SV2C: variants seen among roughly 807,000 people sequenced by gnomAD.
SV2C encodes synaptic vesicle glycoprotein 2C.
Under a neutral mutation model 79.7 loss-of-function variants are expected in SV2C, and 49 were observed. That is an observed-to-expected ratio of 0.61 (90% confidence interval 0.49 to 0.78). SV2C has a LOEUF of 0.78. Among genes scored for constraint, SV2C ranks in the 30% least tolerant of loss-of-function variants. The pLI, the probability that SV2C is intolerant of heterozygous loss-of-function variation, is 0.00. For synonymous variants in SV2C, 334 were observed against 333.2 expected, an observed-to-expected ratio of 1.00 and a Z score of -0.03; for missense variants, 833 against 912.9, an observed-to-expected ratio of 0.91 and a Z score of 1.13.
chr5:76,086,882 T>C (rs998607568), intron 1 of SV2C, among the ~76,000 whole-genome samples: 3 of 152,216 alleles, frequency 2.0e-5, no homozygotes, highest in Admixed American at 2.0e-4. Flanking sequence ...CCCCTCCTAA[T>C]TAGGGACAGC....
At chr5:76,050,553 A>G in the SV2C span, among the ~76,000 whole-genome samples, 1 of 152,084 alleles carries the variant, frequency 6.6e-6, no homozygotes, top group African/African-American at 2.4e-5. Flanking sequence ...GTTCCTTAGT[A>G]ATTCATCTAA....
chr5:76,024,402 T>G, the SV2C span, among the ~76,000 whole-genome samples: 1 of 152,240 alleles, frequency 6.6e-6, no homozygotes, highest in African/African-American at 2.4e-5. Flanking sequence ...CCTGACCGTT[T>G]GTGAACATGT....
At chr5:75,883,692 TGGGGGGA>T in the SV2C span, among the ~76,000 whole-genome samples, 2 of 54,784 alleles carry the variant, frequency 3.7e-5, no homozygotes, top group Non-Finnish European at 6.7e-5. Flanking sequence ...TGTTGTGGGG[TGGGGGGA>T]GGGGGGAGGG....
At chr5:76,175,628 G>C (rs754296438) in intron 2 of SV2C, among the ~76,000 whole-genome samples, 1 of 152,192 alleles carries the variant, frequency 6.6e-6, no homozygotes, top group Non-Finnish European at 1.5e-5. Flanking sequence ...CACGAATCCT[G>C]AGGGCAGTGG....
At chr5:75,930,810 T>G in the SV2C span, among the ~76,000 whole-genome samples, 3 of 152,234 alleles carry the variant, frequency 2.0e-5, no homozygotes, top group African/African-American at 7.2e-5. Flanking sequence ...CCATTTATGT[T>G]GATTTGATCA....
At chr5:76,066,148 C>T in the SV2C span, among the ~76,000 whole-genome samples, 1 of 151,956 alleles carries the variant, frequency 6.6e-6, no homozygotes, top group Non-Finnish European at 1.5e-5. Flanking sequence ...CACATGCACA[C>T]GTATGTTTAT....
At chr5:76,001,017 A>AC in the SV2C span, among the ~76,000 whole-genome samples, 1 of 152,040 alleles carries the variant, frequency 6.6e-6, no homozygotes, top group Non-Finnish European at 1.5e-5. Context: ...AAAAAAAAAA[A>AC]AAAAACTAAC....
chr5:75,988,525 A>T, the SV2C span, among the ~76,000 whole-genome samples: 2 of 152,002 alleles, frequency 1.3e-5, no homozygotes, highest in African/African-American at 2.4e-5. Flanking sequence ...AATAAGCCCA[A>T]ATGAAAGTAA....
chr5:76,016,078 T>C, the SV2C span, among the ~76,000 whole-genome samples: 1 of 151,802 alleles, frequency 6.6e-6, no homozygotes, highest in South Asian at 2.1e-4. Flanking sequence ...ATAAAAGATA[T>C]AATTAAGACT....
chr5:76,120,284 CT>C (rs34824602), intron 1 of SV2C, among the ~76,000 whole-genome samples: 4 of 146,994 alleles, frequency 2.7e-5, no homozygotes, highest in Admixed American at 6.7e-5. Context: ...AATAACATTT[CT>C]TTTTTTTTTC....
the SV2C span, among the ~76,000 whole-genome samples, chr5:75,983,812 A>G: frequency 2.6e-5 from 4 of 152,148 alleles, no homozygotes; most frequent in South Asian, 2.1e-4. Flanking sequence ...GCTTTGGTCG[A>G]TAGAATGCTA....
At chr5:75,938,177 A>G in the SV2C span, among the ~76,000 whole-genome samples, 1 of 152,192 alleles carries the variant, frequency 6.6e-6, no homozygotes, top group Non-Finnish European at 1.5e-5. Context: ...GCAATTTCTC[A>G]TAGTTTATAT....
chr5:75,877,186 A>G, the SV2C span, among the ~76,000 whole-genome samples: 1 of 152,122 alleles, frequency 6.6e-6, no homozygotes, highest in Non-Finnish European at 1.5e-5. Context: ...AACCAAAAAT[A>G]TTACCAGATA....
intron 4 of SV2C, among the ~76,000 whole-genome samples, chr5:76,253,792 C>G (rs17651478): frequency 6.6e-6 from 1 of 151,162 alleles, no homozygotes; most frequent in Non-Finnish European, 1.5e-5. Context: ...TATTTAATAT[C>G]ACCGAGTCAA....
At chr5:75,962,584 A>G in the SV2C span, among the ~76,000 whole-genome samples, 1 of 152,124 alleles carries the variant, frequency 6.6e-6, no homozygotes, top group Non-Finnish European at 1.5e-5. Context: ...TGTCAGTGAT[A>G]ACCCACTGGT....
chr5:76,314,664 A>T (rs1031915148), intron 12 of SV2C, among the ~76,000 whole-genome samples: 4 of 152,158 alleles, frequency 2.6e-5, no homozygotes, highest in African/African-American at 9.7e-5. Flanking sequence ...TTCTTACCCC[A>T]TGTTCAGGTG....
the SV2C span, among the ~76,000 whole-genome samples, chr5:75,967,910 G>A: frequency 6.6e-6 from 1 of 152,212 alleles, no homozygotes; most frequent in Non-Finnish European, 1.5e-5. Context: ...GCCTAACTGG[G>A]AGGCACCCCC....
chr5:76,299,015 A>T, intron 10 of SV2C, 88 bp downstream of exon 10: 1 of 1,416,136 alleles, frequency 7.1e-7, no homozygotes, highest in South Asian at 1.6e-5. Context: ...GCAGAGGCTT[A>T]TGCGGGAAGT....
At chr5:76,160,641 A>G (rs1561242653) in intron 2 of SV2C, among the ~76,000 whole-genome samples, 1 of 152,200 alleles carries the variant, frequency 6.6e-6, no homozygotes, top group Non-Finnish European at 1.5e-5. Flanking sequence ...TTCAAATTAT[A>G]TATCTGATAA....
Sources: allele counts gnomAD v4.1 joint callset (sites outside exome capture counted in the v4.1 genomes callset), GRCh38; gene constraint gnomAD v4.1.1; transcripts MANE v1.5; gene names NCBI Gene and HGNC (gene_info 2026-07-23, HGNC 2026-07-21).